COL11A2: variants seen among roughly 807,000 people sequenced by gnomAD.
COL11A2 encodes the protein collagen type XI alpha 2 chain, also known as collagen alpha-2(XI) chain.
COL11A2 carries 116 observed loss-of-function variants against 273.4 expected under a neutral mutation model. That is an observed-to-expected ratio of 0.42 (90% CI 0.36 to 0.49). The LOEUF (loss-of-function observed/expected upper bound fraction) is 0.49, where lower values mean the gene tolerates loss of function less well. COL11A2 is among the 20% of genes least tolerant of loss of function. The pLI is 0.00. For synonymous variants in COL11A2, 782 were observed against 864.2 expected, an observed-to-expected ratio of 0.90 and a Z score of 1.67; for missense variants, 1,866 against 2,309.0, an observed-to-expected ratio of 0.81 and a Z score of 3.93.
chr6:33,163,485 T>C lies in COL11A2; in HGVS notation c.*193A>G. ...AGGTGGGAGGGCCAAGAGCCCCAGATGCCACTCCTCCCGTGGGGTGTCCAG... is the reference window on the plus strand; with the variant it reads ...AGGTGGGAGGGCCAAGAGCCCCAGACGCCACTCCTCCCGTGGGGTGTCCAG... On this transcript the variant is annotated 3_prime_UTR_variant, in exon 66 of 66. Coordinates refer to ENST00000341947, the MANE Select transcript of COL11A2 (RefSeq NM_080680.3). This position sits in a 1 kb window ranked among gnomAD's most constrained non-coding sequence, Gnocchi z 4.1. The C allele has an allele frequency of 2.8e-6, 2 of 720,850 alleles. No homozygotes were observed. Among genetic ancestry groups the C allele is most frequent in the South Asian group, 3.7e-5 (2 of 54,136 alleles). The allele number at this position is 720,850 out of a possible 1,614,324, so 44.7% of individuals were successfully genotyped here.
Position 33,167,322 on chromosome 6 carries a change from A to G in COL11A2, c.4123-5T>C, listed in dbSNP as rs1583293210. 1 of 1,613,468 alleles carries G rather than the reference A, an allele frequency of 6.2e-7. No individual in the cohort carries two copies. Among genetic ancestry groups the G allele is most frequent in the Non-Finnish European group, 8.5e-7 (1 of 1,179,976 alleles). ...TCCAGGTCGGCCTTGCTGACCCTGA[A>G]GATTTGAGGGGGCCACAGGGGTCAG... On this transcript the variant is annotated splice_polypyrimidine_tract_variant and splice_region_variant and intron_variant, in intron 56 of 65. Coordinates refer to ENST00000341947, the MANE Select transcript of COL11A2 (RefSeq NM_080680.3). This position sits in a 1 kb window ranked among gnomAD's most constrained non-coding sequence, Gnocchi z 6.1.
At chr6:33,168,894 G>A (rs1363948586) in intron 52 of COL11A2, 61 bp downstream of exon 52, 89 of 1,544,246 alleles carry the variant, frequency 5.8e-5, no homozygotes, top group Non-Finnish European at 7.8e-5. Flanking sequence ...CGGCCACACA[G>A]AGGACCCCCC....
At position 33,179,166 on chromosome 6, in the gene COL11A2, G is replaced by A; in HGVS notation, c.1558-40C>T. On this transcript the variant is annotated intron_variant, in intron 15 of 65. Coordinates refer to ENST00000341947, the MANE Select transcript of COL11A2 (RefSeq NM_080680.3). This position sits in a 1 kb window ranked among gnomAD's most constrained non-coding sequence, Gnocchi z 6.4. The stretch of plus-strand genomic sequence containing the variant: ...GATGGGGTGGGGTTAGGAGGCATAG[G>A]GAGGGGAGTGAGGGAGACTGAGCTG... The A allele has an allele frequency of 1.2e-6, 2 of 1,612,270 alleles. No homozygotes were observed. The highest frequency in any genetic ancestry group is 1.1e-5 in the South Asian group (1 of 90,708).
rs1455957270 is a variant in COL11A2 at position 33,166,137 on chromosome 6, G to A, written c.4428+34C>T. 15 of 1,608,166 alleles carry A rather than the reference G, an allele frequency of 9.3e-6. No homozygotes were observed. Among genetic ancestry groups the A allele is most frequent in the African/African-American group, 1.3e-5 (1 of 75,024 alleles). ...AGACATCATCAAGTCCAGAGGGGGT[G>A]GAGCAAAGGTCAGAGCTGAAGGGGG... On this transcript the variant is annotated intron_variant, in intron 61 of 65. Transcript: ENST00000341947. This position sits in a 1 kb window ranked among gnomAD's most constrained non-coding sequence, Gnocchi z 4.8.
At chr6:33,168,681 G>C (rs762097581) in intron 53 of COL11A2, 25 bp downstream of exon 53, 3 of 1,589,946 alleles carry the variant, frequency 1.9e-6, no homozygotes, top group South Asian at 1.1e-5. Flanking sequence ...GGCTCAGGGG[G>C]GTGGTGGGGT....
intron 5 of COL11A2, chr6:33,186,421 G>A: frequency 7.0e-7 from 1 of 1,436,294 alleles, no homozygotes; most frequent in Admixed American, 2.8e-5. Flanking sequence ...ACGCAGAGCA[G>A]GGAACACAGC....
intron 1 of COL11A2, among the ~76,000 whole-genome samples, chr6:33,191,184 G>A (rs1773066897): frequency 6.6e-6 from 1 of 152,148 alleles, no homozygotes; most frequent in Non-Finnish European, 1.5e-5. Flanking sequence ...GGCACCATAC[G>A]CCTCAATTTC....
chr6:33,177,298 T>C lies in COL11A2; in HGVS notation c.1972-73A>G. The C allele has an allele frequency of 6.2e-7, 1 of 1,607,380 alleles. No homozygotes were observed. Among genetic ancestry groups the C allele is most frequent in the Non-Finnish European group, 8.5e-7 (1 of 1,175,366 alleles). On this transcript the variant is annotated intron_variant, in intron 23 of 65. Transcript: ENST00000341947. This position sits in a 1 kb window ranked among gnomAD's most constrained non-coding sequence, Gnocchi z 5.9. ...TATCCAGCCTCCCGGATTCAAAGCA[T>C]GAGCAACAAGGGCCTGAAACCCTTA...
At chr6:33,180,452 A>C (rs781471598) in intron 11 of COL11A2, 120 bp from the exon 12 acceptor site, 1 of 1,000,958 alleles carries the variant, frequency 1.0e-6, no homozygotes, top group Non-Finnish European at 1.5e-6. Flanking sequence ...CTCTTTCCTG[A>C]GTCTCCCACC....
chr6:33,170,907 C>T lies in COL11A2; in HGVS notation c.3377G>A (p.Gly1126Glu), dbSNP rs1209550939. 1 of 1,612,796 alleles carries T rather than the reference C, an allele frequency of 6.2e-7. No homozygotes were observed. Among genetic ancestry groups the T allele is most frequent in the Non-Finnish European group, 8.5e-7 (1 of 1,179,980 alleles). ...CTGGGGTCCCCGAGCTCCGGGCTCCCCATCTGCTCCCTGCAGGGTTGAGGG... is the reference window on the plus strand; with the variant it reads ...CTGGGGTCCCCGAGCTCCGGGCTCCTCATCTGCTCCCTGCAGGGTTGAGGG... ...VGQPGAAGAD[G>E]EPGARGPQGH... Residue 1126 changes from glycine to glutamate, a missense_variant, in exon 46 of 66, where the codon GGG becomes GAG. Transcript: ENST00000341947. The surrounding 1 kb of genome is among the most constrained non-coding windows in gnomAD (Gnocchi z 4.3).
At chr6:33,188,686 C>T (rs1056822403) in intron 3 of COL11A2, among the ~76,000 whole-genome samples, 162 bp from the exon 4 acceptor site, 6 of 152,258 alleles carry the variant, frequency 3.9e-5, no homozygotes, top group African/African-American at 9.6e-5. Context: ...GACACCATGC[C>T]GTCACTTTCT....
At position 33,190,834 on chromosome 6, in the gene COL11A2, C is replaced by A. The variant is rs1236279532; in HGVS notation, c.82+1325G>T. Among the ~76,000 whole-genome samples, 1 of 152,108 alleles carries A rather than the reference C, an allele frequency of 6.6e-6. No individual in the cohort carries two copies. Among genetic ancestry groups the A allele is most frequent in the Non-Finnish European group, 1.5e-5 (1 of 68,032 alleles). ...CAAGGAGACCTCGGAGGTCCCCACC[C>A]TCCACCAAATCCCAAGGGAGTACAA... On this transcript the variant is annotated intron_variant, in intron 1 of 65. Coordinates refer to ENST00000341947, the MANE Select transcript of COL11A2 (RefSeq NM_080680.3). This position sits in a 1 kb window ranked among gnomAD's most constrained non-coding sequence, Gnocchi z 4.5.
Position 33,170,868 on chromosome 6 carries a change from G to T in COL11A2, c.3416C>A (p.Ala1139Asp), listed in dbSNP as rs752600170. 1 of 1,612,920 alleles carries T rather than the reference G, an allele frequency of 6.2e-7. No homozygotes were observed. Among genetic ancestry groups the T allele is most frequent in the Admixed American group, 1.7e-5 (1 of 60,018 alleles). Residue 1139 changes from alanine (A) to aspartate (D), a missense_variant, in exon 46 of 66, where the codon GCC becomes GAC. By Grantham distance (126) the Ala-to-Asp change is moderately radical. Transcript: ENST00000341947. This position sits in a 1 kb window ranked among gnomAD's most constrained non-coding sequence, Gnocchi z 4.3. ...GARGPQGHFG[A>D]KGDEGTRGFN... ...TCCTCTTGTTCCTTCATCACCTTTG[G>T]CTCCAAAGTGTCCCTGGGGTCCCCG... is the stretch of plus-strand genomic sequence containing the variant.
At chr6:33,171,067 G>A (rs1214882491) in intron 45 of COL11A2, 47 bp downstream of exon 45, 1 of 1,574,546 alleles carries the variant, frequency 6.4e-7, no homozygotes, top group African/African-American at 1.4e-5. Context: ...AGCTGAGGGA[G>A]GACCAGAGGC....
At position 33,189,408 on chromosome 6, in the gene COL11A2, C is replaced by T. The variant is rs373983197; in HGVS notation, c.144G>A (p.Arg48=). 1.9e-5 allele frequency: 30 copies of T among 1,613,034 alleles called. No individual in the cohort carries two copies. The highest frequency in any genetic ancestry group is 2.5e-5 in the Non-Finnish European group (29 of 1,180,032). The change falls in exon 2 of 66, where the codon CGG becomes CGA. Residue 48 remains arginine, a synonymous_variant. Coordinates refer to ENST00000341947, the MANE Select transcript of COL11A2 (RefSeq NM_080680.3). This position sits in a 1 kb window ranked among gnomAD's most constrained non-coding sequence, Gnocchi z 5.6. ...LRFPSLPDGV[R]RAKGICPADV... ...CAGCTGGACAGATGCCTTTCGCTCTCCGGACACCATCAGGGAGGGAGGGGA... is the reference window on the plus strand; with the variant it reads ...CAGCTGGACAGATGCCTTTCGCTCTTCGGACACCATCAGGGAGGGAGGGGA...
At chr6:33,168,451 A>C in intron 54 of COL11A2, 68 bp downstream of exon 54, 1 of 1,555,060 alleles carries the variant, frequency 6.4e-7, no homozygotes, top group Non-Finnish European at 8.9e-7. Flanking sequence ...CCCACCTGCC[A>C]TTGCCCAGCC....
At chr6:33,182,514 C>T (rs1771860752) in intron 8 of COL11A2, among the ~76,000 whole-genome samples, 1 of 152,088 alleles carries the variant, frequency 6.6e-6, no homozygotes, top group Non-Finnish European at 1.5e-5. Context: ...TAGTTTGAGA[C>T]CAGCCTGGCC....
chr6:33,189,204 G>A lies in COL11A2; in HGVS notation c.233-16C>T. ...GGAAATCCTCCTAGTAACCGAGAGA[G>A]ATACACACAGAGTGAGAGGCAAAGG... On this transcript the variant is annotated splice_polypyrimidine_tract_variant and intron_variant, in intron 2 of 65. Transcript: ENST00000341947. The surrounding 1 kb of genome is among the most constrained non-coding windows in gnomAD (Gnocchi z 5.6). 6.2e-7 allele frequency: 1 copy of A among 1,613,304 alleles called. No homozygotes were observed. Among genetic ancestry groups the A allele is most frequent in the South Asian group, 1.1e-5 (1 of 91,030 alleles).
At chr6:33,181,056 C>T (rs755670990) in intron 9 of COL11A2, 51 bp from the exon 10 acceptor site, 2 of 1,614,006 alleles carry the variant, frequency 1.2e-6, no homozygotes, top group Non-Finnish European at 1.7e-6. Flanking sequence ...GCACACTCAA[C>T]CCCACTTGCT....
Sources: gnomAD v4.1 joint callset for allele counts (sites outside exome capture counted in the v4.1 genomes callset) on GRCh38, gnomAD v4.1.1 for gene constraint, Gnocchi (gnomAD v3.1) non-coding constraint, MANE v1.5 for transcripts, NCBI Gene and HGNC (gene_info 2026-07-23, HGNC 2026-07-21) for gene names.